COMMD1: variants seen among roughly 807,000 people sequenced by gnomAD.
COMMD1 encodes the protein copper metabolism domain containing 1.
COMMD1 carries 10 observed loss-of-function variants against 17.2 expected under a neutral mutation model. The ratio of observed to expected loss-of-function variants is 0.58; its 90% CI spans 0.36 to 0.99. The LOEUF (loss-of-function observed/expected upper bound fraction) is 0.99, where lower values mean the gene tolerates loss of function less well. Among genes scored for constraint, COMMD1 ranks in the 50% least tolerant of loss-of-function variants. COMMD1 has a pLI of 0.01. For synonymous variants in COMMD1, 97 were observed against 91.6 expected (o/e 1.06, Z -0.34); for missense variants, 270 against 231.8 (o/e 1.17, Z -1.07).
At chr2:62,033,818 T>C (rs894677599) in intron 2 of COMMD1, among the ~76,000 whole-genome samples, 1 of 151,696 alleles carries the variant, frequency 6.6e-6, no homozygotes, top group Non-Finnish European at 1.5e-5. Flanking sequence ...GTTAAAAATA[T>C]ATCAAAAGAG....
intron 1 of COMMD1, among the ~76,000 whole-genome samples, chr2:61,940,771 C>G (rs1175237154): frequency 6.6e-6 from 1 of 151,414 alleles, no homozygotes; most frequent in East Asian, 1.9e-4. Flanking sequence ...ACTGCAAGCT[C>G]CGCCTCCTGG....
Position 61,953,995 on chromosome 2 carries a change from G to A in COMMD1, c.181-46706G>A, listed in dbSNP as rs116672885. Reference sequence around the variant, plus strand: ...AGCACTTTGGGAGGCTAAGGTGGGCGAATAACAGGGTCAGGAGTTCGAGAC... The same window carrying A: ...AGCACTTTGGGAGGCTAAGGTGGGCAAATAACAGGGTCAGGAGTTCGAGAC... On this transcript the variant is annotated intron_variant, in intron 1 of 2. Transcript: ENST00000311832. Among the ~76,000 whole-genome samples, 1,236 of 152,076 alleles carry A rather than the reference G, an allele frequency of 8.1e-3. 22 individuals are homozygous for A. The highest frequency in any genetic ancestry group is 0.028 in the African/African-American group (1,182 of 41,478).
At chr2:62,070,765 C>T (rs1294528477) in intron 2 of COMMD1, among the ~76,000 whole-genome samples, 2 of 152,224 alleles carry the variant, frequency 1.3e-5, no homozygotes, top group Non-Finnish European at 2.9e-5. Flanking sequence ...TGCAGTGGCT[C>T]ACGCCTATAA....
At chr2:61,946,211 T>A (rs1196789856) in intron 1 of COMMD1, among the ~76,000 whole-genome samples, 1 of 152,196 alleles carries the variant, frequency 6.6e-6, no homozygotes, top group Non-Finnish European at 1.5e-5. Flanking sequence ...TTAAAAAAAA[T>A]TAATCAGAGA....
chr2:62,106,950 G>C lies in COMMD1; in HGVS notation c.463-28881G>C, dbSNP rs1374343244. On this transcript the variant is annotated intron_variant, in intron 2 of 2. Transcript: ENST00000311832. ...GGGTCCCTAGGCCCTATGAGGCCCAGACTTGCCTTCTCACTATTCTGCAGG... is the reference window on the plus strand; with the variant it reads ...GGGTCCCTAGGCCCTATGAGGCCCACACTTGCCTTCTCACTATTCTGCAGG... 2.0e-5 allele frequency among the ~76,000 whole-genome samples: 3 copies of C among 152,200 alleles called. No homozygotes were observed. The East Asian group carries it at 5.8e-4, about 29-fold the overall frequency.
At chr2:61,949,505 A>G (rs548672724) in intron 1 of COMMD1, among the ~76,000 whole-genome samples, 1 of 152,224 alleles carries the variant, frequency 6.6e-6, no homozygotes, top group Non-Finnish European at 1.5e-5. Flanking sequence ...TTACCCATGG[A>G]TGCAATAGGT....
At chr2:62,004,302 C>G (rs1029113423) in intron 2 of COMMD1, among the ~76,000 whole-genome samples, 1 of 151,878 alleles carries the variant, frequency 6.6e-6, no homozygotes, top group Non-Finnish European at 1.5e-5. Flanking sequence ...CCATAAAATC[C>G]TTTTTATTTG....
rs1024782789 is a variant in COMMD1, at chr2:62,030,998, G to C, written c.462+30016G>C. ...ATAAAGTACCAATTATTTTTAAAAG[G>C]GATGATACTTAGTATCATTAAATAG... On this transcript the variant is annotated intron_variant, in intron 2 of 2. Transcript: ENST00000311832. 7.9e-5 allele frequency among the ~76,000 whole-genome samples: 12 copies of C among 152,132 alleles called. No homozygotes were observed. In the East Asian group the frequency reaches 2.3e-3, roughly 29 times the overall value.
At chr2:62,071,578 G>A (rs1057210347) in intron 2 of COMMD1, among the ~76,000 whole-genome samples, 2 of 152,146 alleles carry the variant, frequency 1.3e-5, no homozygotes, top group Non-Finnish European at 2.9e-5. Flanking sequence ...ATATGGAGGG[G>A]CCAGTTCTAC....
intron 1 of COMMD1, among the ~76,000 whole-genome samples, chr2:61,891,277 C>T (rs1030962265): frequency 2.6e-5 from 4 of 152,118 alleles, no homozygotes; most frequent in African/African-American, 9.7e-5. Flanking sequence ...TTGAGACATG[C>T]TTTAAGTATC....
chr2:61,986,423 C>T (rs961356397), intron 1 of COMMD1, among the ~76,000 whole-genome samples: 1 of 151,868 alleles, frequency 6.6e-6, no homozygotes, highest in African/African-American at 2.4e-5. Context: ...ATGTCTTTCT[C>T]TAGGTTGGGG....
At chr2:62,005,484 C>A (rs1046594955) in intron 2 of COMMD1, among the ~76,000 whole-genome samples, 1 of 152,040 alleles carries the variant, frequency 6.6e-6, no homozygotes, top group Non-Finnish European at 1.5e-5. Context: ...CTACAATGAA[C>A]TCAAACAAAT....
At chr2:62,008,063 T>C (rs1338308234) in intron 2 of COMMD1, among the ~76,000 whole-genome samples, 3 of 152,024 alleles carry the variant, frequency 2.0e-5, no homozygotes, top group Non-Finnish European at 4.4e-5. Context: ...ATGTCTGTAA[T>C]CCAAGCTACT....
At chr2:61,975,884 GA>G (rs1671788171) in intron 1 of COMMD1, among the ~76,000 whole-genome samples, 1 of 152,128 alleles carries the variant, frequency 6.6e-6, no homozygotes, top group Non-Finnish European at 1.5e-5. Flanking sequence ...TTATGGCCCA[GA>G]ATGTGGTCTG....
intron 2 of COMMD1, among the ~76,000 whole-genome samples, chr2:62,001,864 C>T (rs1211130961): frequency 6.6e-6 from 1 of 152,046 alleles, no homozygotes; most frequent in Non-Finnish European, 1.5e-5. Flanking sequence ...AAAGATAATT[C>T]AGGGCCTGGC....
At chr2:61,899,542 T>C (rs1359608415) in intron 1 of COMMD1, among the ~76,000 whole-genome samples, 1 of 152,220 alleles carries the variant, frequency 6.6e-6, no homozygotes, top group East Asian at 1.9e-4. Flanking sequence ...TTAACCTGTC[T>C]TAATGTTAAG....
upstream of COMMD1, among the ~76,000 whole-genome samples, chr2:61,904,043 C>G (rs1353928025): frequency 1.3e-5 from 2 of 152,136 alleles, no homozygotes; most frequent in Non-Finnish European, 2.9e-5. Flanking sequence ...GAGTCTCCCT[C>G]TTTCACCCAG....
At chr2:62,092,680 G>A (rs1298513039) in intron 2 of COMMD1, among the ~76,000 whole-genome samples, 1 of 152,132 alleles carries the variant, frequency 6.6e-6, no homozygotes, top group Non-Finnish European at 1.5e-5. Flanking sequence ...AGCTCACTAT[G>A]GAAAGATTGT....
At chr2:61,913,796 CAAA>C (rs1164297104) in intron 1 of COMMD1, among the ~76,000 whole-genome samples, 7 of 14,512 alleles carry the variant, frequency 4.8e-4, no homozygotes, top group South Asian at 6.6e-3. Flanking sequence ...ACTCCATCTC[CAAA>C]AAAAAAAAAA....
Sources: allele counts gnomAD v4.1 joint callset (sites outside exome capture counted in the v4.1 genomes callset), GRCh38; gene constraint gnomAD v4.1.1; transcripts MANE v1.5; gene names NCBI Gene and HGNC (gene_info 2026-07-23, HGNC 2026-07-21).